Variants in UNKL observed in about 807,000 individuals in gnomAD.
UNKL encodes the protein putative E3 ubiquitin-protein ligase UNKL.
In UNKL, 60 loss-of-function variants were observed where a neutral mutation model predicts 78.0. The observed-to-expected ratio is 0.77, with a 90% CI of 0.63 to 0.95. The LOEUF is 0.95. UNKL is among the 40% of genes least tolerant of loss of function. UNKL has a pLI of 0.00. For synonymous variants in UNKL, 608 were observed against 474.8 expected (o/e 1.28, Z -3.65); for missense variants, 1,159 against 1,045.7 (o/e 1.11, Z -1.49).
intron 5 of UNKL, 142 bp from the exon 6 acceptor site, chr16:1,397,437 C>A: frequency 1.1e-6 from 1 of 932,658 alleles, no homozygotes; most frequent in South Asian, 2.2e-5. Context: ...CTGCCCCCCA[C>A]CCCCGTGCTT....
intron 2 of UNKL, chr16:1,408,839 G>C (rs1331473002): frequency 6.6e-6 from 1 of 152,474 alleles, no homozygotes; most frequent in African/African-American, 2.4e-5. Flanking sequence ...AGCAACGCCT[G>C]ATACGGGCTA....
chr16:1,413,917 G>C lies in UNKL; in HGVS notation c.216C>G (p.Thr72=). The C allele has an allele frequency of 6.4e-7, 1 of 1,558,818 alleles. No individual in the cohort carries two copies. Among genetic ancestry groups the C allele is most frequent in the Non-Finnish European group, 8.7e-7 (1 of 1,151,468 alleles). ...RRRPLRRRDG[T]FNYSPDVYCS... is the part of the protein sequence containing the mutation. ...AGTACACGTCGGGGCTGTAGTTGAAGGTGCCGTCGCGCCTGCGGAGGGGCC... is the reference window on the plus strand; with the variant it reads ...AGTACACGTCGGGGCTGTAGTTGAACGTGCCGTCGCGCCTGCGGAGGGGCC... Residue 72 remains threonine (T), a synonymous_variant, in exon 2 of 15, where the codon ACC becomes ACG. Transcript: ENST00000389221.
At chr16:1,367,402 G>C in intron 13 of UNKL, 53 bp from the exon 14 acceptor site, 1 of 1,492,386 alleles carries the variant, frequency 6.7e-7, no homozygotes, top group Non-Finnish European at 8.9e-7. Flanking sequence ...GCCACCTGCA[G>C]ACCCTCTTGC....
At chr16:1,393,548 T>C (rs2037137530) in intron 7 of UNKL, among the ~76,000 whole-genome samples, 1 of 152,130 alleles carries the variant, frequency 6.6e-6, no homozygotes, top group South Asian at 2.1e-4. Flanking sequence ...GGGGCTTGTT[T>C]CTGCTGCTGG....
Position 1,400,886 on chromosome 16 carries a change from A to G in UNKL, c.598+682T>C, listed in dbSNP as rs936671109. ...GTATTTTTAGCAGAGACATGGTTTC[A>G]CCATGTTGGCCAGGCTGGCCTCAAA... On this transcript the variant is annotated intron_variant, in intron 4 of 14. Transcript: ENST00000389221. Among the ~76,000 whole-genome samples the G allele has an allele frequency of 7.9e-5, 12 of 152,100 alleles. No individual in the cohort carries two copies. In the South Asian group the frequency reaches 8.3e-4, roughly 11 times the overall value.
intron 10 of UNKL, chr16:1,383,927 C>G (rs1280564019): frequency 1.2e-5 from 4 of 330,508 alleles, no homozygotes; most frequent in African/African-American, 2.1e-5. Context: ...GGGGTGGGCT[C>G]CAGGGCTGCA....
chr16:1,414,134 G>A, intron 1 of UNKL, 79 bp from the exon 2 acceptor site: 2 of 1,390,894 alleles, frequency 1.4e-6, no homozygotes, highest in South Asian at 1.4e-5. Flanking sequence ...GGGACCCACC[G>A]GCCTCAGGAG....
At chr16:1,396,904 T>C (rs2037290587) in intron 6 of UNKL, 3 of 463,040 alleles carry the variant, frequency 6.5e-6, no homozygotes, top group South Asian at 2.4e-5. Flanking sequence ...ATGTTTTTAA[T>C]TGACATTTTC....
chr16:1,383,201 G>A (rs1459985050), intron 10 of UNKL, among the ~76,000 whole-genome samples: 1 of 150,764 alleles, frequency 6.6e-6, no homozygotes, highest in Non-Finnish European at 1.5e-5. Context: ...GAAGTCGGGA[G>A]GCAGAGGTTG....
chr16:1,364,005 T>C lies in UNKL; in HGVS notation c.*2235A>G, dbSNP rs2035038879. ...CTAGAGCTCAGCTGCTCCTGACCAC[T>C]GACAACCGGGAGATGTCTCGGCAGA... On this transcript the variant is annotated 3_prime_UTR_variant, in exon 15 of 15. Transcript: ENST00000389221. The C allele has an allele frequency of 6.6e-6, 1 of 152,166 alleles. No individual in the cohort carries two copies. The highest frequency in any genetic ancestry group is 1.5e-5 in the Non-Finnish European group (1 of 68,044). 9.4% of individuals were successfully genotyped at this position (152,166 alleles called of 1,614,324 possible).
chr16:1,387,502 G>A lies in UNKL; in HGVS notation c.1087-2117C>T, dbSNP rs1023977658. ...GACATCCAGGAGCAACGCACACCTGGGAGCTCCTTGTACCCCGATGGCTTG... is the reference window on the plus strand; with the variant it reads ...GACATCCAGGAGCAACGCACACCTGAGAGCTCCTTGTACCCCGATGGCTTG... On this transcript the variant is annotated intron_variant, in intron 9 of 14. Transcript: ENST00000389221. The surrounding 1 kb of genome is among the most constrained non-coding windows in gnomAD (Gnocchi z 4.1). Among the ~76,000 whole-genome samples, 4 of 152,148 alleles carry A rather than the reference G, an allele frequency of 2.6e-5. No individual in the cohort carries two copies. The highest frequency in any genetic ancestry group is 1.3e-4 in the Admixed American group (2 of 15,270).
rs1481647114 is a variant in UNKL at position 1,413,938 on chromosome 16, G to A, written c.195C>T (p.Pro65=). Residue 65 remains proline, a synonymous_variant, in exon 2 of 15, where the codon CCC becomes CCT. Transcript: ENST00000389221. ...WHFLNQRRRR[P]LRRRDGTFNY... ...TGAAGGTGCCGTCGCGCCTGCGGAG[G>A]GGCCTGCGGCGCCGCTGGTTGAGGA... 2.6e-6 allele frequency: 4 copies of A among 1,554,338 alleles called. No homozygotes were observed. The highest frequency in any genetic ancestry group is 3.5e-6 in the Non-Finnish European group (4 of 1,149,110).
chr16:1,363,762 C>A lies in UNKL; in HGVS notation c.*2478G>T. Reference sequence around the variant, plus strand: ...CAGCCCCAGGATCTTGCCCCCATTTCCAACCCTGGCAGCGCTGCCAGCCAT... The same window carrying A: ...CAGCCCCAGGATCTTGCCCCCATTTACAACCCTGGCAGCGCTGCCAGCCAT... On this transcript the variant is annotated 3_prime_UTR_variant, in exon 15 of 15. Coordinates refer to ENST00000389221, the MANE Select transcript of UNKL (RefSeq NM_001372107.1). The A allele has an allele frequency of 6.3e-6, 1 of 159,644 alleles. No individual in the cohort carries two copies. Among genetic ancestry groups the A allele is most frequent in the Non-Finnish European group, 1.4e-5 (1 of 72,546 alleles). The allele number at this position is 159,644 out of a possible 1,614,324, so 9.9% of individuals were successfully genotyped here. A position where few individuals can be genotyped will look rare whatever the true frequency, so the allele number is the denominator to read the frequency against.
intron 9 of UNKL, 172 bp from the exon 10 acceptor site, chr16:1,385,557 C>A: frequency 1.8e-6 from 1 of 567,508 alleles, no homozygotes. Context: ...AGGAGAAACA[C>A]CAGGACGGCA....
At position 1,397,267 on chromosome 16, in the gene UNKL, C is replaced by G; in HGVS notation, c.763G>C (p.Gly255Arg). The change falls in exon 6 of 15, where the codon GGG becomes CGG. Residue 255 changes from glycine (G) to arginine (R), a missense_variant. Coordinates refer to ENST00000389221, the MANE Select transcript of UNKL (RefSeq NM_001372107.1). The part of the protein sequence containing the change: ...RSTPCPSVKH[G>R]DEWGEPSRCD... ...CGTGAGGGTTCCCCCCACTCATCCCCGTGCTTCACACTGGGGCAGGGCGTG... is the reference window on the plus strand; with the variant it reads ...CGTGAGGGTTCCCCCCACTCATCCCGGTGCTTCACACTGGGGCAGGGCGTG... The G allele has an allele frequency of 2.5e-6, 2 of 814,098 alleles. No homozygotes were observed. Among genetic ancestry groups the G allele is most frequent in the South Asian group, 2.3e-5 (1 of 43,256 alleles). The allele number at this position is 814,098 out of a possible 1,614,324, so 50.4% of individuals were successfully genotyped here.
Position 1,370,177 on chromosome 16 carries a change from G to C in UNKL, c.1538C>G (p.Ser513Ter). 1 of 1,517,130 alleles carries C rather than the reference G, an allele frequency of 6.6e-7. No individual in the cohort carries two copies. Among genetic ancestry groups the C allele is most frequent in the Non-Finnish European group, 8.9e-7 (1 of 1,127,800 alleles). 94.0% of individuals were successfully genotyped at this position (1,517,130 alleles called of 1,614,324 possible). Residue 513 changes from serine (S) to a stop codon, truncating the protein, a stop_gained, in exon 12 of 15, where the codon TCA becomes TGA. Transcript: ENST00000389221. LOFTEE classifies it high-confidence loss of function. ...TGCAGAGCCCAGTGTGCCCGGCTCT[G>C]AACGCAGGGGTGGCGGCTGCTGGGG... ...TPPQQPPPLRSEPGTLGSAAS... is the reference protein window; with the variant it reads ...TPPQQPPPLR
At chr16:1,406,838 TAGAA>T (rs1404220197) in intron 2 of UNKL, among the ~76,000 whole-genome samples, 1 of 152,060 alleles carries the variant, frequency 6.6e-6, no homozygotes, top group African/African-American at 2.4e-5. Context: ...GATCTTTTAA[TAGAA>T]AGATCAGACT....
intron 10 of UNKL, among the ~76,000 whole-genome samples, chr16:1,371,953 G>A (rs1355535968): frequency 1.3e-5 from 2 of 152,236 alleles, no homozygotes; most frequent in East Asian, 3.9e-4. Context: ...GTGCACATTC[G>A]ACTGTTTAAA....
intron 6 of UNKL, 44 bp downstream of exon 6, chr16:1,397,134 G>C: frequency 6.5e-7 from 1 of 1,533,664 alleles, no homozygotes; most frequent in Non-Finnish European, 8.8e-7. Context: ...GCTTCTCTGG[G>C]ACCTTCCAGC....
Sources: allele counts gnomAD v4.1 joint callset (sites outside exome capture counted in the v4.1 genomes callset), GRCh38; gene constraint gnomAD v4.1.1; non-coding constraint Gnocchi (gnomAD v3.1); transcripts MANE v1.5; gene names NCBI Gene and HGNC (gene_info 2026-07-23, HGNC 2026-07-21).